TRPM3: variants seen among roughly 807,000 people sequenced by gnomAD.
TRPM3 encodes long transient receptor potential channel 3.
Under a neutral mutation model 181.2 loss-of-function variants are expected in TRPM3, and 77 were observed. That is an observed-to-expected ratio of 0.42 (90% CI 0.35 to 0.51). The LOEUF is 0.51. Ranked by LOEUF, TRPM3 falls within the 20% of genes least tolerant of loss-of-function variation. The pLI is 0.01. For synonymous variants in TRPM3, 745 were observed against 796.4 expected (o/e 0.94, Z 1.09); for missense variants, 1,759 against 2,196.7 (o/e 0.80, Z 3.98).
At chr9:70,684,968 AG>A (rs1426964465) in intron 8 of TRPM3, among the ~76,000 whole-genome samples, 1 of 152,184 alleles carries the variant, frequency 6.6e-6, no homozygotes, top group Non-Finnish European at 1.5e-5. Context: ...CAGAGTTAGC[AG>A]GATGTTTATA....
Position 71,408,533 on chromosome 9 carries a change from G to A in TRPM3, c.183+38120C>T, listed in dbSNP as rs187404446. On this transcript the variant is annotated intron_variant, in intron 1 of 24. Coordinates refer to the TRPM3 transcript ENST00000357533. ...TTGAAGATCAAATGAATGAAATGAA[G>A]TGAGAAGAGAAATTTAGAGGAAAAA... Among the ~76,000 whole-genome samples the A allele has an allele frequency of 9.6e-4, 146 of 152,262 alleles. No homozygotes were observed. In the Middle Eastern group the frequency reaches 0.014, roughly 14 times the overall value.
intron 1 of TRPM3, among the ~76,000 whole-genome samples, chr9:71,357,922 TTC>T (rs1330820151): frequency 6.6e-6 from 1 of 152,124 alleles, no homozygotes; most frequent in Admixed American, 6.6e-5. Context: ...GCAAACAAAT[TTC>T]TGTTTGTCAA....
intron 1 of TRPM3, among the ~76,000 whole-genome samples, chr9:70,898,119 GT>G (rs780424002): frequency 1.3e-3 from 182 of 141,958 alleles, no homozygotes; most frequent in Admixed American, 2.7e-3. Flanking sequence ...ACAATAAATT[GT>G]TTTTTTTTTT....
At chr9:71,328,130 A>G (rs1178487363) in intron 1 of TRPM3, among the ~76,000 whole-genome samples, 1 of 151,192 alleles carries the variant, frequency 6.6e-6, no homozygotes, top group Non-Finnish European at 1.5e-5. Flanking sequence ...AGGGTCTCCA[A>G]CCCCCTGTTT....
intron 1 of TRPM3, among the ~76,000 whole-genome samples, chr9:71,336,313 T>C (rs949258369): frequency 6.6e-6 from 1 of 151,686 alleles, no homozygotes; most frequent in East Asian, 1.9e-4. Flanking sequence ...ACAACAATAA[T>C]AGTCAAACAG....
At position 70,784,268 on chromosome 9, in the gene TRPM3, C is replaced by T. The variant is rs1431050426; in HGVS notation, c.985G>A (p.Gly329Ser). 1 of 1,593,992 alleles carries T rather than the reference C, an allele frequency of 6.3e-7. No homozygotes were observed. The highest frequency in any genetic ancestry group is 1.3e-5 in the African/African-American group (1 of 74,350). ...ACTATGAGTGCCACCACAGGAACAC[C>T]TTGACCGATTCCTGCATTAAAAAAG... ...LQKINTRIGQ[G>S]VPVVALIVEG... The change falls in exon 7 of 26, where the codon GGT becomes AGT. Residue 329 changes from glycine to serine, a missense_variant. Physicochemically the swap from Gly to Ser is moderately conservative, Grantham distance 56. Around this residue, in one of 8 missense-constraint regions of TRPM3, gnomAD observed 737 missense variants for 957.4 expected, o/e 0.77. Coordinates refer to ENST00000677713, the MANE Select transcript of TRPM3 (RefSeq NM_001366145.2).
rs2066444768 is a variant in TRPM3 at position 70,884,842 on chromosome 9, T to C, written c.178-20331A>G. Among the ~76,000 whole-genome samples the C allele has an allele frequency of 2.0e-5, 3 of 152,198 alleles. No homozygotes were observed. In the South Asian group the frequency reaches 6.2e-4, roughly 32 times the overall value. ...GAGGCAAAACTCCTGCTAAAAATCATCCCAGGAGTTTGTGAAAAATGCATA... is the reference window on the plus strand; with the variant it reads ...GAGGCAAAACTCCTGCTAAAAATCACCCCAGGAGTTTGTGAAAAATGCATA... On this transcript the variant is annotated intron_variant, in intron 1 of 25. Coordinates refer to ENST00000677713, the MANE Select transcript of TRPM3 (RefSeq NM_001366145.2).
At chr9:71,248,487 T>C (rs2082163656) in intron 1 of TRPM3, among the ~76,000 whole-genome samples, 1 of 152,212 alleles carries the variant, frequency 6.6e-6, no homozygotes, top group Non-Finnish European at 1.5e-5. Context: ...AGAAAGGATA[T>C]CTTTTAGACT....
intron 1 of TRPM3, among the ~76,000 whole-genome samples, chr9:71,031,623 A>G (rs993346081): frequency 2.6e-5 from 4 of 152,014 alleles, no homozygotes; most frequent in Non-Finnish European, 5.9e-5. Context: ...AAAAAATATC[A>G]TGCCAATTTA....
At chr9:71,005,360 C>T (rs568437152) in intron 1 of TRPM3, among the ~76,000 whole-genome samples, 19 of 151,844 alleles carry the variant, frequency 1.3e-4, no homozygotes, top group Middle Eastern at 3.4e-3. Context: ...GAGCTGAGAT[C>T]GCACCATTGT....
chr9:70,874,621 T>C lies in TRPM3; in HGVS notation c.178-10110A>G, dbSNP rs1048612921. 5.9e-5 allele frequency among the ~76,000 whole-genome samples: 9 copies of C among 152,004 alleles called. 1 individual carries two copies. Among genetic ancestry groups the C allele is most frequent in the Admixed American group, 2.6e-4 (4 of 15,232 alleles). On this transcript the variant is annotated intron_variant, in intron 1 of 25. Coordinates refer to ENST00000677713, the MANE Select transcript of TRPM3 (RefSeq NM_001366145.2). ...TTTAGCTTTCACAATTCATTCCTTC[T>C]GATTTTGTTAGCAGCCAAAGAAATG...
At chr9:71,437,095 A>G (rs2094053127) in intron 1 of TRPM3, among the ~76,000 whole-genome samples, 1 of 152,248 alleles carries the variant, frequency 6.6e-6, no homozygotes, top group African/African-American at 2.4e-5. Context: ...AATTAATGCC[A>G]TCACACAGCT....
chr9:70,642,637 G>T (rs2058239932), intron 9 of TRPM3, among the ~76,000 whole-genome samples: 1 of 152,198 alleles, frequency 6.6e-6, no homozygotes, highest in Non-Finnish European at 1.5e-5. Flanking sequence ...CTTCCAATGT[G>T]CAGCCAATGT....
intron 1 of TRPM3, among the ~76,000 whole-genome samples, chr9:71,193,891 C>A (rs948762218): frequency 6.6e-6 from 1 of 151,886 alleles, no homozygotes; most frequent in Admixed American, 6.6e-5. Context: ...GTATGTATCT[C>A]ACATTTTCAT....
chr9:70,944,055 C>G (rs1003781440), intron 1 of TRPM3, among the ~76,000 whole-genome samples: 1 of 152,154 alleles, frequency 6.6e-6, no homozygotes, highest in African/African-American at 2.4e-5. Flanking sequence ...AGTGCTGGAA[C>G]TACAGGCGTG....
At chr9:71,261,633 C>T (rs2083060549) in intron 1 of TRPM3, among the ~76,000 whole-genome samples, 1 of 152,186 alleles carries the variant, frequency 6.6e-6, no homozygotes, top group African/African-American at 2.4e-5. Context: ...TCCTAATCTT[C>T]ATGGATTTAT....
intron 8 of TRPM3, among the ~76,000 whole-genome samples, chr9:70,746,128 G>A (rs908191221): frequency 6.6e-6 from 1 of 152,130 alleles, no homozygotes; most frequent in Non-Finnish European, 1.5e-5. Flanking sequence ...ATGTGGTGCT[G>A]ACACCCTGAC....
At chr9:70,788,932 T>G (rs1245251150) in intron 6 of TRPM3, among the ~76,000 whole-genome samples, 7 of 152,112 alleles carry the variant, frequency 4.6e-5, no homozygotes, top group Admixed American at 4.6e-4. Context: ...CAGATGAAGC[T>G]TCGCTCACTT....
chr9:71,288,666 A>G (rs779323672), intron 1 of TRPM3, among the ~76,000 whole-genome samples: 118 of 152,146 alleles, frequency 7.8e-4, no homozygotes, highest in Non-Finnish European at 1.5e-3. Flanking sequence ...CAGAAATGAC[A>G]AAGGGTGGAC....
Sources: gnomAD v4.1 joint callset for allele counts (sites outside exome capture counted in the v4.1 genomes callset) on GRCh38, gnomAD v4.1.1 for gene constraint, gnomAD v4.1.1 regional missense constraint, MANE v1.5 for transcripts, NCBI Gene and HGNC (gene_info 2026-07-23, HGNC 2026-07-21) for gene names.